The following CFAP74 variants were observed in gnomAD, a reference collection of about 807,000 sequenced individuals.
The protein encoded by CFAP74 is cilia- and flagella-associated protein 74.
In CFAP74, 124 loss-of-function variants were observed where a neutral mutation model predicts 188.9. The ratio of observed to expected loss-of-function variants is 0.66; its 90% confidence interval spans 0.57 to 0.76. The LOEUF (loss-of-function observed/expected upper bound fraction) is 0.76. CFAP74 is among the 30% of genes least tolerant of loss of function. The probability of loss-of-function intolerance (pLI) is 0.00; values close to 1 mark genes in which losing one functional copy is unlikely to be tolerated. For synonymous variants in CFAP74, 956 were observed against 916.7 expected (o/e 1.04, Z -0.77); for missense variants, 2,198 against 2,165.2 (o/e 1.02, Z -0.30).
rs774231908 is a variant in CFAP74 at position 1,926,695 on chromosome 1, G to A, written c.3729C>T (p.Ser1243=). Residue 1243 remains serine, a synonymous_variant, in exon 30 of 39, where the codon TCC becomes TCT. Coordinates refer to ENST00000682832, the MANE Select transcript of CFAP74 (RefSeq NM_001304360.2). ...PTVAPSVVVT[S]HKGKTIFNFG... ...AGTTAAAGATGGTCTTGCCTTTATG[G>A]GACGTCACCACAACAGATGGTGCCA... 1 of 1,550,166 alleles carries A rather than the reference G, an allele frequency of 6.5e-7. No individual in the cohort carries two copies.
At chr1:1,926,424 C>A (rs779070343) in intron 31 of CFAP74, 33 bp downstream of exon 31, 1 of 1,550,142 alleles carries the variant, frequency 6.5e-7, no homozygotes, top group African/African-American at 1.4e-5. Flanking sequence ...GCTCCCACCC[C>A]GCAGGCCGCC....
chr1:1,926,092 TG>T, intron 32 of CFAP74, 135 bp downstream of exon 32: 1 of 1,415,092 alleles, frequency 7.1e-7, no homozygotes, highest in South Asian at 1.5e-5. Flanking sequence ...TGTGAGGGCC[TG>T]GGGGCCAGGC....
intron 28 of CFAP74, 120 bp from the exon 29 acceptor site, chr1:1,927,148 C>T: frequency 8.3e-7 from 1 of 1,198,376 alleles, no homozygotes; most frequent in Non-Finnish European, 1.2e-6. Flanking sequence ...TGTGGCTGTC[C>T]CAGTTGTGTC....
At chr1:1,998,556 A>T (rs1476182051) in intron 1 of CFAP74, among the ~76,000 whole-genome samples, 3 of 152,100 alleles carry the variant, frequency 2.0e-5, no homozygotes, top group Non-Finnish European at 4.4e-5. Flanking sequence ...AATTTTCCAT[A>T]ATAAAAGTTT....
Position 1,923,859 on chromosome 1 carries a change from C to A in CFAP74, c.4305G>T (p.Lys1435Asn). 6.2e-7 allele frequency: 1 copy of A among 1,613,314 alleles called. No individual in the cohort carries two copies. The highest frequency in any genetic ancestry group is 8.5e-7 in the Non-Finnish European group (1 of 1,179,776). ...APVKGVMDPG[K>N]TQDFTVTFSP... Reference sequence around the variant, plus strand: ...TGAAGGTGACAGTGAAGTCTTGTGTCTTCCCGGGGTCCATGACGCCCTTGA... The same window carrying A: ...TGAAGGTGACAGTGAAGTCTTGTGTATTCCCGGGGTCCATGACGCCCTTGA... The change falls in exon 35 of 39, where the codon AAG (lysine) becomes AAT (asparagine). Residue 1435 changes from lysine (K) to asparagine (N), a missense_variant. Physicochemically the swap from Lys to Asn is moderately conservative, Grantham distance 94. Coordinates refer to ENST00000682832, the MANE Select transcript of CFAP74 (RefSeq NM_001304360.2). The surrounding 1 kb of genome is among the most constrained non-coding windows in gnomAD (Gnocchi z 6.3).
At chr1:1,965,628 C>T (rs1360073901) in intron 12 of CFAP74, among the ~76,000 whole-genome samples, 6 of 151,740 alleles carry the variant, frequency 4.0e-5, no homozygotes, top group East Asian at 1.9e-4. Context: ...GCCCGGCAGC[C>T]GGGCAGCCTC....
chr1:1,923,462 C>T lies in CFAP74; in HGVS notation c.4427G>A (p.Cys1476Tyr). The change falls in exon 36 of 39, where the codon TGT becomes TAT. Residue 1476 changes from cysteine to tyrosine, a missense_variant. Physicochemically the swap from Cys to Tyr is radical, Grantham distance 194. Coordinates refer to ENST00000682832, the MANE Select transcript of CFAP74 (RefSeq NM_001304360.2). The surrounding 1 kb of genome is among the most constrained non-coding windows in gnomAD (Gnocchi z 6.3). ...GCCCTCCACGAACATCATGTGCTGA[C>T]AGGCGGCACCCTTCAGCAGGATCTG... Reference protein sequence around the residue: ...SHQILLKGAACQHMMFVEGGD... With the variant: ...SHQILLKGAAYQHMMFVEGGD... 2 of 1,611,848 alleles carry T rather than the reference C, an allele frequency of 1.2e-6. No homozygotes were observed. The highest frequency in any genetic ancestry group is 1.7e-6 in the Non-Finnish European group (2 of 1,179,496).
At position 1,969,157 on chromosome 1, in the gene CFAP74, C is replaced by CCAGTCCTGCT. The variant is rs1488957061; in HGVS notation, c.1047-334_1047-325dup. 2.6e-5 allele frequency among the ~76,000 whole-genome samples: 4 copies of CCAGTCCTGCT among 151,400 alleles called. No homozygotes were observed. In the South Asian group the frequency reaches 8.4e-4, roughly 32 times the overall value. ...CCTGCCCAGTCCATCCCTGCCAAGC[C>CCAGTCCTGCT]CAGTCCTGCTCAGTCCTGCCCAGCC... On this transcript the variant is annotated intron_variant, in intron 10 of 38. Coordinates refer to ENST00000682832, the MANE Select transcript of CFAP74 (RefSeq NM_001304360.2).
At chr1:1,959,617 G>T (rs573640480) in intron 15 of CFAP74, among the ~76,000 whole-genome samples, 1 of 152,122 alleles carries the variant, frequency 6.6e-6, no homozygotes, top group Non-Finnish European at 1.5e-5. Flanking sequence ...GGCCAGGGCC[G>T]CCTGCCACCT....
intron 1 of CFAP74, among the ~76,000 whole-genome samples, chr1:1,994,995 G>A (rs1657839775): frequency 6.6e-6 from 1 of 152,100 alleles, no homozygotes; most frequent in Non-Finnish European, 1.5e-5. Flanking sequence ...CAAACCCGAC[G>A]TCGCCACACA....
intron 1 of CFAP74, among the ~76,000 whole-genome samples, chr1:1,998,003 C>T (rs1658003970): frequency 1.3e-5 from 2 of 152,146 alleles, no homozygotes; most frequent in South Asian, 4.1e-4. Context: ...GTGGGCCGGG[C>T]GTGGTGGCTC....
At position 1,968,618 on chromosome 1, in the gene CFAP74, G is replaced by C; in HGVS notation, c.1245+17C>G. 1.2e-6 allele frequency: 2 copies of C among 1,609,092 alleles called. No homozygotes were observed. Among genetic ancestry groups the C allele is most frequent in the Non-Finnish European group, 8.5e-7 (1 of 1,176,510 alleles). ...ACAGGTGTGCGGCTTCTGTCTACAG[G>C]AAGGCGTTTTGCTCACCAGTGTGTA... On this transcript the variant is annotated intron_variant, in intron 11 of 38. Coordinates refer to ENST00000682832, the MANE Select transcript of CFAP74 (RefSeq NM_001304360.2). The surrounding 1 kb of genome is among the most constrained non-coding windows in gnomAD (Gnocchi z 4.3).
At chr1:1,989,807 C>T (rs1186871533) in intron 2 of CFAP74, among the ~76,000 whole-genome samples, 1 of 152,156 alleles carries the variant, frequency 6.6e-6, no homozygotes, top group African/African-American at 2.4e-5. Context: ...GGTACCACAC[C>T]CGGCCAGTGT....
intron 28 of CFAP74, 198 bp from the exon 29 acceptor site, chr1:1,927,226 T>C (rs1651976735): frequency 7.8e-6 from 5 of 644,502 alleles, no homozygotes; most frequent in African/African-American, 3.7e-5. Flanking sequence ...CAGGTCCTCG[T>C]CAGCTGGTGG....
In CFAP74 at chr1:1,930,333, G is replaced by A. The variant is rs1652270698; in HGVS notation, c.3015C>T (p.Cys1005=). 1 of 1,518,440 alleles carries A rather than the reference G, an allele frequency of 6.6e-7. No individual in the cohort carries two copies. The highest frequency in any genetic ancestry group is 1.4e-5 in the African/African-American group (1 of 72,796). 94.1% of individuals were successfully genotyped at this position (1,518,440 alleles called of 1,614,324 possible). Residue 1005 remains cysteine, a synonymous_variant, in exon 26 of 39, where the codon TGC becomes TGT. Transcript: ENST00000682832. ...CTACAGCCCGGCAAGACAGCTTGAA[G>A]CACCTGCAAGCAGCAGCATGGGAGG... The part of the protein sequence containing the change: ...QLTCKSEINR[C]FKLSCRAVGV...
chr1:1,969,880 C>T (rs930771433), intron 10 of CFAP74, among the ~76,000 whole-genome samples: 27 of 152,338 alleles, frequency 1.8e-4, no homozygotes, highest in Admixed American at 1.4e-3. Flanking sequence ...GGGCCGTGGA[C>T]AGGGAGACTG....
At chr1:1,981,938 A>G (rs1282149797) in intron 6 of CFAP74, among the ~76,000 whole-genome samples, 1 of 55,936 alleles carries the variant, frequency 1.8e-5, no homozygotes, top group Non-Finnish European at 3.6e-5. Flanking sequence ...GCGGACAGAC[A>G]CGGGGGCACG....
intron 14 of CFAP74, among the ~76,000 whole-genome samples, chr1:1,961,241 G>C (rs1335714807): frequency 6.6e-6 from 1 of 152,136 alleles, no homozygotes; most frequent in Non-Finnish European, 1.5e-5. Context: ...GATGCCTGGG[G>C]AGCTGGGGCT....
At chr1:1,974,341 G>A (rs533381088) in intron 6 of CFAP74, 143 bp from the exon 7 acceptor site, 9 of 717,068 alleles carry the variant, frequency 1.3e-5, no homozygotes, top group African/African-American at 5.5e-5. Flanking sequence ...GGCCATCTCC[G>A]CTCTGAGTCA....
Sources: gnomAD v4.1 joint callset for allele counts (sites outside exome capture counted in the v4.1 genomes callset) on GRCh38, gnomAD v4.1.1 for gene constraint, Gnocchi (gnomAD v3.1) non-coding constraint, MANE v1.5 for transcripts, NCBI Gene and HGNC (gene_info 2026-07-23, HGNC 2026-07-21) for gene names.